The following CCDC91 variants were observed in gnomAD, a reference collection of about 807,000 sequenced individuals.
CCDC91 encodes coiled-coil domain containing 91.
A neutral mutation model predicts 63.2 loss-of-function variants in CCDC91; 48 were observed. The ratio of observed to expected loss-of-function variants is 0.76; its 90% CI spans 0.60 to 0.97. The LOEUF is 0.97. Among genes scored for constraint, CCDC91 ranks in the 50% least tolerant of loss-of-function variants. The pLI, the probability that CCDC91 is intolerant of heterozygous loss-of-function variation, is 0.00. For synonymous variants in CCDC91, 167 were observed against 165.8 expected (o/e 1.01, Z -0.06); for missense variants, 500 against 494.6 (o/e 1.01, Z -0.10).
intron 12 of CCDC91, among the ~76,000 whole-genome samples, chr12:28,544,509 A>G (rs146501916): frequency 1.0e-3 from 154 of 152,168 alleles, no homozygotes; most frequent in African/African-American, 3.3e-3. Flanking sequence ...TGGAAAAGTA[A>G]CATTGATAAA....
intron 6 of CCDC91, among the ~76,000 whole-genome samples, chr12:28,329,176 T>C (rs1439592296): frequency 6.6e-6 from 1 of 152,174 alleles, no homozygotes; most frequent in African/African-American, 2.4e-5. Flanking sequence ...CAAATAATGA[T>C]TCAGTTCAAT....
At chr12:28,531,432 A>T (rs1282006554) in intron 12 of CCDC91, among the ~76,000 whole-genome samples, 4 of 152,122 alleles carry the variant, frequency 2.6e-5, no homozygotes, top group Non-Finnish European at 5.9e-5. Flanking sequence ...ATTCAGGTTG[A>T]TTATATGTGT....
chr12:28,540,379 A>G (rs11049706), intron 12 of CCDC91, among the ~76,000 whole-genome samples: 254 of 152,290 alleles, frequency 1.7e-3, no homozygotes, highest in Middle Eastern at 3.4e-3. Flanking sequence ...AGATAATTAC[A>G]TGGTTTAATG....
chr12:28,521,505 A>G (rs551199785), intron 12 of CCDC91, among the ~76,000 whole-genome samples: 16 of 152,314 alleles, frequency 1.1e-4, no homozygotes, highest in African/African-American at 3.8e-4. Context: ...ATATACAATC[A>G]TGTCATCAGC....
At chr12:28,379,388 T>G (rs1347967492) in intron 7 of CCDC91, among the ~76,000 whole-genome samples, 1 of 151,300 alleles carries the variant, frequency 6.6e-6, no homozygotes, top group Non-Finnish European at 1.5e-5. Flanking sequence ...GAGAAAATTT[T>G]TGCAGTCTAC....
chr12:28,292,612 G>T (rs1039802034), intron 3 of CCDC91, among the ~76,000 whole-genome samples: 1 of 151,364 alleles, frequency 6.6e-6, no homozygotes, highest in African/African-American at 2.4e-5. Context: ...ATATGTTGGT[G>T]TGATGACTAA....
intron 8 of CCDC91, among the ~76,000 whole-genome samples, chr12:28,444,239 A>T (rs1949380676): frequency 6.6e-6 from 1 of 152,188 alleles, no homozygotes; most frequent in Non-Finnish European, 1.5e-5. Context: ...CATTTACAAA[A>T]ATTTTCTATC....
rs569818578 is a variant in CCDC91 at position 28,482,071 on chromosome 12, A to G, written c.1102-1981A>G. On this transcript the variant is annotated intron_variant, in intron 11 of 12. Transcript: ENST00000536442. ...GTAACTCACCTGTTAGCAAAACCTG[A>G]CTTGAACTAATGTGAAGCTATTTAT... 2.6e-5 allele frequency among the ~76,000 whole-genome samples: 4 copies of G among 152,114 alleles called. No individual in the cohort carries two copies. In the East Asian group the frequency reaches 7.7e-4, roughly 29 times the overall value.
intron 1 of CCDC91, among the ~76,000 whole-genome samples, chr12:28,231,301 A>C (rs985740364): frequency 6.6e-6 from 1 of 152,218 alleles, no homozygotes; most frequent in Non-Finnish European, 1.5e-5. Context: ...ATAGGTTCCA[A>C]ACTTCTGGGG....
intron 12 of CCDC91, among the ~76,000 whole-genome samples, chr12:28,492,892 G>A (rs16932865): frequency 6.6e-6 from 1 of 151,496 alleles, no homozygotes; most frequent in African/African-American, 2.4e-5. Context: ...ATGTGAACTT[G>A]TTCAACTAAG....
chr12:28,534,130 CACTT>C (rs2141669459), intron 12 of CCDC91, among the ~76,000 whole-genome samples: 1 of 152,248 alleles, frequency 6.6e-6, no homozygotes, highest in Non-Finnish European at 1.5e-5. Context: ...TGGAGCTAGA[CACTT>C]ACATGTTCTA....
chr12:28,280,998 A>G (rs150433794), intron 3 of CCDC91, among the ~76,000 whole-genome samples: 37 of 151,742 alleles, frequency 2.4e-4, no homozygotes, highest in African/African-American at 8.7e-4. Flanking sequence ...AAATAAAAAG[A>G]TATCCTATGC....
At chr12:28,542,327 G>A (rs1478868493) in intron 12 of CCDC91, among the ~76,000 whole-genome samples, 6 of 152,038 alleles carry the variant, frequency 3.9e-5, no homozygotes, top group African/African-American at 1.4e-4. Context: ...AAGGTTTTAA[G>A]ACTCTTTATA....
intron 7 of CCDC91, among the ~76,000 whole-genome samples, chr12:28,382,236 A>G (rs1395963347): frequency 1.3e-5 from 2 of 151,892 alleles, no homozygotes; most frequent in South Asian, 2.1e-4. Flanking sequence ...TTTGAGATCT[A>G]TATTTTATGA....
intron 8 of CCDC91, among the ~76,000 whole-genome samples, chr12:28,392,610 A>G (rs1393055205): frequency 6.6e-6 from 1 of 152,234 alleles, no homozygotes; most frequent in Non-Finnish European, 1.5e-5. Flanking sequence ...TGAACTTAGA[A>G]GGGAGAGAAC....
rs79702555 is a variant in CCDC91, at chr12:28,381,877, T to A, written c.655-9427T>A. Among the ~76,000 whole-genome samples the A allele has an allele frequency of 5.5e-4, 83 of 152,250 alleles. No homozygotes were observed. The East Asian group carries it at 0.016, about 29-fold the overall frequency. On this transcript the variant is annotated intron_variant, in intron 7 of 12. Transcript: ENST00000536442. ...CCTTCCTCTGAGGCTTCTTCTCAACTCACAGTCAAGGTGGAGCTTGGAACT... is the reference window on the plus strand; with the variant it reads ...CCTTCCTCTGAGGCTTCTTCTCAACACACAGTCAAGGTGGAGCTTGGAACT...
At chr12:28,295,369 A>G (rs999046697) in intron 3 of CCDC91, among the ~76,000 whole-genome samples, 3 of 152,114 alleles carry the variant, frequency 2.0e-5, no homozygotes, top group African/African-American at 7.2e-5. Flanking sequence ...GAAATGTCAA[A>G]ATGAAAATTT....
chr12:28,382,406 T>G (rs1945349362), intron 7 of CCDC91, among the ~76,000 whole-genome samples: 1 of 151,938 alleles, frequency 6.6e-6, no homozygotes. Flanking sequence ...TCATAAAAAG[T>G]AGGTAATTTA....
chr12:28,477,416 A>T (rs1215532504), intron 11 of CCDC91, among the ~76,000 whole-genome samples: 1 of 152,158 alleles, frequency 6.6e-6, no homozygotes, highest in East Asian at 1.9e-4. Context: ...ACAAAATTCA[A>T]CAACCCTTCA....
Sources: gnomAD v4.1 joint callset for allele counts (sites outside exome capture counted in the v4.1 genomes callset) on GRCh38, gnomAD v4.1.1 for gene constraint, MANE v1.5 for transcripts, NCBI Gene and HGNC (gene_info 2026-07-23, HGNC 2026-07-21) for gene names.